Variants in TOX3 observed in about 807,000 individuals in gnomAD.
TOX3 encodes TOX high mobility group box family member 3.
In TOX3, 22 loss-of-function variants were observed where a neutral mutation model predicts 64.3. The ratio of observed to expected loss-of-function variants is 0.34; its 90% CI spans 0.24 to 0.49. The LOEUF is 0.49. TOX3 is among the 20% of genes least tolerant of loss of function. The pLI, the probability that TOX3 is intolerant of heterozygous loss-of-function variation, is 0.99. For synonymous variants in TOX3, 291 were observed against 273.6 expected (o/e 1.06, Z -0.63); for missense variants, 661 against 714.4 (o/e 0.93, Z 0.85).
chr16:52,449,612 A>G (rs1000060787), intron 4 of TOX3, among the ~76,000 whole-genome samples: 1 of 152,282 alleles, frequency 6.6e-6, no homozygotes, highest in Non-Finnish European at 1.5e-5. Context: ...AAATCTTTGT[A>G]TCACAAGAAC....
intron 1 of TOX3, among the ~76,000 whole-genome samples, chr16:52,497,409 C>T (rs974914131): frequency 7.9e-5 from 12 of 152,166 alleles, no homozygotes; most frequent in African/African-American, 2.9e-4. Flanking sequence ...AAGCTATATA[C>T]AGAGCAGAGG....
intron 1 of TOX3, among the ~76,000 whole-genome samples, chr16:52,533,643 C>A (rs772886234): frequency 2.0e-5 from 3 of 151,930 alleles, no homozygotes; most frequent in Non-Finnish European, 4.4e-5. Flanking sequence ...TTTCCATTTG[C>A]AGTAGTCTTA....
Position 52,439,982 on chromosome 16 carries a change from G to C in TOX3, c.988-14C>G, listed in dbSNP as rs1959909726. On this transcript the variant is annotated splice_polypyrimidine_tract_variant and intron_variant, in intron 6 of 6. Transcript: ENST00000219746. ...CTCAGCAGCAGCCTGCATTTTGGGG[G>C]AGAAAATTCCAGACTGTTACAACAC... 4.6e-6 allele frequency: 7 copies of C among 1,524,246 alleles called. No homozygotes were observed. In the East Asian group the frequency reaches 1.6e-4, roughly 35 times the overall value. The allele number at this position is 1,524,246 out of a possible 1,614,324, so 94.4% of individuals were successfully genotyped here.
At chr16:52,443,203 G>A (rs1418490723) in intron 6 of TOX3, among the ~76,000 whole-genome samples, 1 of 152,100 alleles carries the variant, frequency 6.6e-6, no homozygotes, top group Non-Finnish European at 1.5e-5. Context: ...AGCCCACACA[G>A]TCAGCTGTTT....
At chr16:52,524,746 G>T (rs1448599524) in intron 1 of TOX3, among the ~76,000 whole-genome samples, 1 of 152,152 alleles carries the variant, frequency 6.6e-6, no homozygotes, top group African/African-American at 2.4e-5. Context: ...GTGCCTAGAA[G>T]ATAAAGCCTA....
At chr16:52,495,711 C>T (rs1043809753) in intron 1 of TOX3, among the ~76,000 whole-genome samples, 2 of 152,202 alleles carry the variant, frequency 1.3e-5, no homozygotes, top group African/African-American at 2.4e-5. Flanking sequence ...TTCCAGAGTA[C>T]AGTTAACACA....
At chr16:52,441,211 G>A (rs186402730) in intron 6 of TOX3, among the ~76,000 whole-genome samples, 5 of 152,282 alleles carry the variant, frequency 3.3e-5, no homozygotes, top group Admixed American at 1.3e-4. Context: ...AATGGCCACT[G>A]GAATACTTGA....
chr16:52,490,182 T>C (rs1961639707), intron 1 of TOX3, among the ~76,000 whole-genome samples: 1 of 152,168 alleles, frequency 6.6e-6, no homozygotes, highest in Admixed American at 6.5e-5. Flanking sequence ...TCAGGAAATC[T>C]GATGGTGTAA....
chr16:52,479,261 G>A (rs1961302423), intron 1 of TOX3, among the ~76,000 whole-genome samples: 1 of 152,188 alleles, frequency 6.6e-6, no homozygotes, highest in Non-Finnish European at 1.5e-5. Context: ...TGTCATCAAA[G>A]TGAGCCTTGC....
At chr16:52,539,643 C>A (rs972996642) in intron 1 of TOX3, among the ~76,000 whole-genome samples, 1 of 152,216 alleles carries the variant, frequency 6.6e-6, no homozygotes, top group Admixed American at 6.5e-5. Flanking sequence ...ATCTGCTTTA[C>A]TACAAACAGA....
At position 52,464,001 on chromosome 16, in the gene TOX3, G is replaced by C; in HGVS notation, c.341C>G (p.Pro114Arg). 2 of 1,598,488 alleles carry C rather than the reference G, an allele frequency of 1.3e-6. No individual in the cohort carries two copies. The highest frequency in any genetic ancestry group is 1.7e-6 in the Non-Finnish European group (2 of 1,172,368). Residue 114 changes from proline to arginine, a missense_variant, in exon 3 of 7, where the codon CCT (proline) becomes CGT (arginine). Physicochemically the swap from Pro to Arg is moderately radical, Grantham distance 103 (BLOSUM62 -2). Around this residue, in one of 3 missense-constraint regions of TOX3, gnomAD observed 259 missense variants for 261.2 expected, o/e 0.99. Transcript: ENST00000219746. ...PQFPPQSLDL[P>R]SITISRNLVE... The stretch of plus-strand genomic sequence containing the variant: ...GAGATTTCTTGAGATTGTAATGGAA[G>C]GGAGGTCCAGGCTTTGAGGGGGAAA...
intron 1 of TOX3, among the ~76,000 whole-genome samples, chr16:52,515,011 C>CAAAAAAA (rs56746564): frequency 6.3e-5 from 1 of 15,842 alleles, no homozygotes; most frequent in African/African-American, 1.8e-4. Flanking sequence ...GACTCCATCT[C>CAAAAAAA]AAAAAAAAAA....
At chr16:52,487,581 A>G (rs1394483802) in intron 1 of TOX3, among the ~76,000 whole-genome samples, 2 of 152,188 alleles carry the variant, frequency 1.3e-5, no homozygotes, top group Non-Finnish European at 2.9e-5. Flanking sequence ...TGTTCATAAG[A>G]AAGTGACATC....
chr16:52,524,246 G>T (rs979784521), intron 1 of TOX3, among the ~76,000 whole-genome samples: 1 of 152,094 alleles, frequency 6.6e-6, no homozygotes, highest in African/African-American at 2.4e-5. Context: ...ATAAACCCTG[G>T]AAGATGTCAA....
chr16:52,496,193 G>C (rs1961845723), intron 1 of TOX3, among the ~76,000 whole-genome samples: 1 of 152,168 alleles, frequency 6.6e-6, no homozygotes, highest in Non-Finnish European at 1.5e-5. Flanking sequence ...TTGGGAGACA[G>C]AATTAACTGA....
chr16:52,487,100 A>G (rs1448260991), intron 1 of TOX3, among the ~76,000 whole-genome samples: 1 of 152,168 alleles, frequency 6.6e-6, no homozygotes, highest in Non-Finnish European at 1.5e-5. Context: ...AATCCTTGGA[A>G]CAAATGGACA....
intron 2 of TOX3, 92 bp from the exon 3 acceptor site, chr16:52,464,280 C>A: frequency 7.6e-7 from 1 of 1,307,862 alleles, no homozygotes; most frequent in Non-Finnish European, 1.0e-6. Flanking sequence ...CATGAAAACA[C>A]TACATACATA....
At chr16:52,519,321 C>G in intron 1 of TOX3, 1 of 1,306,038 alleles carries the variant, frequency 7.7e-7, no homozygotes, top group Non-Finnish European at 1.0e-6. Flanking sequence ...AGGGTTAGTG[C>G]ATTCATCAGA....
At chr16:52,444,458 AGGTT>A in intron 5 of TOX3, 102 bp from the exon 6 acceptor site, 2 of 993,256 alleles carry the variant, frequency 2.0e-6, no homozygotes, top group Non-Finnish European at 2.9e-6. Flanking sequence ...TCACATAAAA[AGGTT>A]GGTCTCCTTG....
Sources: allele counts gnomAD v4.1 joint callset (sites outside exome capture counted in the v4.1 genomes callset), GRCh38; gene constraint gnomAD v4.1.1; regional missense constraint gnomAD v4.1.1; transcripts MANE v1.5; gene names NCBI Gene and HGNC (gene_info 2026-07-23, HGNC 2026-07-21).